Variants in DRC7 observed in about 807,000 individuals in gnomAD.
The protein encoded by DRC7 is dynein regulatory complex subunit 7.
In DRC7, 80 loss-of-function variants were observed where a neutral mutation model predicts 104.4. That is an observed-to-expected ratio of 0.77 (90% CI 0.64 to 0.92). The LOEUF is 0.92. Among genes scored for constraint, DRC7 ranks in the 40% least tolerant of loss-of-function variants. The pLI is 0.00. For missense variants in DRC7, 1,034 were observed against 1,141.1 expected, an observed-to-expected ratio of 0.91 and a Z score of 1.35; for synonymous variants, 405 against 447.3, an observed-to-expected ratio of 0.91 and a Z score of 1.19.
chr16:57,700,668 A>AG (rs1354831206), intron 5 of DRC7, among the ~76,000 whole-genome samples: 1 of 151,592 alleles, frequency 6.6e-6, no homozygotes, highest in East Asian at 1.9e-4. Flanking sequence ...AAAAAAAAAA[A>AG]AAAAAAAAGA....
chr16:57,699,389 G>A lies in DRC7; in HGVS notation c.378+365G>A, dbSNP rs189855044. On this transcript the variant is annotated intron_variant, in intron 4 of 18. Coordinates refer to ENST00000360716, the MANE Select transcript of DRC7 (RefSeq NM_001289162.2). ...TGACATAAATGCTAAACATTGCCAC[G>A]TGGGCCAAATAAAGCGGGTCTGTGG... Among the ~76,000 whole-genome samples the A allele has an allele frequency of 7.8e-4, 119 of 152,266 alleles. 1 individual carries two copies. Among genetic ancestry groups the A allele is most frequent in the Admixed American group, 2.9e-3 (44 of 15,296 alleles).
chr16:57,698,591 G>T lies in DRC7; in HGVS notation c.204-259G>T, dbSNP rs563861156. 2.0e-5 allele frequency among the ~76,000 whole-genome samples: 3 copies of T among 152,302 alleles called. No homozygotes were observed. In the South Asian group the frequency reaches 6.2e-4, roughly 32 times the overall value. On this transcript the variant is annotated intron_variant, in intron 3 of 18. Transcript: ENST00000360716. Reference sequence around the variant, plus strand: ...TATAGTCCCAGCTACTTGGGAGGCTGAGGTGGGAGGGTCACTTAAGCCCAG... The same window carrying T: ...TATAGTCCCAGCTACTTGGGAGGCTTAGGTGGGAGGGTCACTTAAGCCCAG...
intron 7 of DRC7, among the ~76,000 whole-genome samples, chr16:57,705,811 C>A: frequency 1.2e-5 from 1 of 80,150 alleles, no homozygotes. Flanking sequence ...CCCATTTCTC[C>A]TCCCATCCAT....
intron 7 of DRC7, 149 bp downstream of exon 7, chr16:57,705,183 T>C: frequency 1.1e-6 from 1 of 921,218 alleles, no homozygotes; most frequent in Non-Finnish European, 1.6e-6. Context: ...TACCTGGCCC[T>C]GCAGGAATCT....
chr16:57,728,493 G>A lies in DRC7; in HGVS notation c.2300G>A (p.Trp767Ter), dbSNP rs769387655. Reference protein sequence around the residue: ...QLPPGEKLTCWQAVRLKDECL... With the variant: ...QLPPGEKLTC ...CCGCCAGGAGAGAAACTAACATGCTGGCAGGCGGTGCGCCTCAAGGATGAG... is the reference window on the plus strand; with the variant it reads ...CCGCCAGGAGAGAAACTAACATGCTAGCAGGCGGTGCGCCTCAAGGATGAG... Residue 767 changes from tryptophan (W) to a stop codon, truncating the protein, a stop_gained, in exon 17 of 19, where the codon TGG (tryptophan) becomes TAG (stop). Transcript: ENST00000360716. LOFTEE classifies it high-confidence loss of function. 1.1e-5 allele frequency: 18 copies of A among 1,612,154 alleles called. No homozygotes were observed. Among genetic ancestry groups the A allele is most frequent in the Middle Eastern group, 1.7e-4 (1 of 6,056 alleles).
Position 57,722,896 on chromosome 16 carries a change from T to A in DRC7, c.1408+55T>A, listed in dbSNP as rs2048919722. The A allele has an allele frequency of 4.3e-6, 7 of 1,612,156 alleles. No homozygotes were observed. In the Admixed American group the frequency reaches 5.0e-5, roughly 12 times the overall value. On this transcript the variant is annotated intron_variant, in intron 11 of 18. Transcript: ENST00000360716. ...AGGCCAGCCCAGGGGCGGGGGCGGC[T>A]TCTACTCTCTCTGGGGTCATTGCTG...
At chr16:57,722,926 C>G in intron 11 of DRC7, 76 bp from the exon 12 acceptor site, 1 of 1,612,664 alleles carries the variant, frequency 6.2e-7, no homozygotes, top group Non-Finnish European at 8.5e-7. Context: ...TTGCTGGCCT[C>G]TGTGTGCCTG....
In DRC7 at chr16:57,704,746, G is replaced by A. The variant is rs551726901; in HGVS notation, c.700-130G>A. ...TGGAGCTGCATTTAGAGCCAGAAAG[G>A]CCACAGGCTACAGGAGTAGCTGCCA... On this transcript the variant is annotated intron_variant, in intron 6 of 18. Transcript: ENST00000360716. 1.3e-4 allele frequency: 127 copies of A among 998,840 alleles called. 1 individual carries two copies. In the South Asian group the frequency reaches 2.0e-3, roughly 15 times the overall value. 61.9% of individuals were successfully genotyped at this position (998,840 alleles called of 1,614,324 possible).
chr16:57,698,169 G>A lies in DRC7; in HGVS notation c.203+17G>A. 6.2e-7 allele frequency: 1 copy of A among 1,613,634 alleles called. No homozygotes were observed. The highest frequency in any genetic ancestry group is 8.5e-7 in the Non-Finnish European group (1 of 1,179,924). On this transcript the variant is annotated intron_variant, in intron 3 of 18. Coordinates refer to ENST00000360716, the MANE Select transcript of DRC7 (RefSeq NM_001289162.2). ...GGAGCTCCCGTGAGTGTGGCAGGGT[G>A]GGGGCCCTGGCAAGGGTAGACCGGG...
At chr16:57,718,545 A>T in intron 9 of DRC7, 70 bp downstream of exon 9, 1 of 1,576,064 alleles carries the variant, frequency 6.3e-7, no homozygotes, top group Non-Finnish European at 8.7e-7. Context: ...AAGTGTCCCC[A>T]GCAGCATATG....
At chr16:57,724,392 G>T (rs1464342981) in intron 12 of DRC7, among the ~76,000 whole-genome samples, 1 of 150,092 alleles carries the variant, frequency 6.7e-6, no homozygotes, top group African/African-American at 2.5e-5. Context: ...TAATGGACAA[G>T]AACAAAAAAT....
At chr16:57,727,502 C>T (rs1381467507) in intron 16 of DRC7, 93 bp downstream of exon 16, 11 of 878,794 alleles carry the variant, frequency 1.3e-5, no homozygotes, top group Non-Finnish European at 1.7e-5. Context: ...GCTGAGAAAC[C>T]CTCTGTGGGG....
intron 10 of DRC7, 136 bp from the exon 11 acceptor site, chr16:57,722,577 C>G: frequency 8.3e-7 from 1 of 1,203,264 alleles, no homozygotes; most frequent in South Asian, 1.4e-5. Context: ...TTCTCCTCGG[C>G]CTCCCTGGAT....
intron 3 of DRC7, among the ~76,000 whole-genome samples, chr16:57,698,463 G>T (rs1476241878): frequency 6.6e-6 from 1 of 152,086 alleles, no homozygotes; most frequent in African/African-American, 2.4e-5. Context: ...AAGGTGGGAG[G>T]ATCGCTTGAG....
At chr16:57,694,989 T>C (rs2048577851) in intron 1 of DRC7, 137 bp downstream of exon 1, 1 of 152,154 alleles carries the variant, frequency 6.6e-6, no homozygotes, top group African/African-American at 2.4e-5. Context: ...TGTGTGCGTG[T>C]TTATGTGTGT....
Position 57,707,464 on chromosome 16 carries a change from C to T in DRC7, c.863C>T (p.Ala288Val), listed in dbSNP as rs527250357. 65 of 1,610,510 alleles carry T rather than the reference C, an allele frequency of 4.0e-5. No homozygotes were observed. The highest frequency in any genetic ancestry group is 1.9e-4 in the South Asian group (17 of 90,804). Residue 288 changes from alanine (A) to valine (V), a missense_variant, in exon 8 of 19, where the codon GCG (alanine) becomes GTG (valine). Physicochemically the swap from Ala to Val is moderately conservative, Grantham distance 64. Coordinates refer to ENST00000360716, the MANE Select transcript of DRC7 (RefSeq NM_001289162.2). Reference sequence around the variant, plus strand: ...TCACCCACCTTTCCTTGGCAGGAAGCGGAGAAGGCAAAGCCGGATGCCCTG... The same window carrying T: ...TCACCCACCTTTCCTTGGCAGGAAGTGGAGAAGGCAAAGCCGGATGCCCTG... ...LREEEERLMEAEKAKPDALHG... is the reference protein window; with the variant it reads ...LREEEERLMEVEKAKPDALHG...
chr16:57,703,101 A>G (rs1454500131), intron 6 of DRC7, among the ~76,000 whole-genome samples: 5 of 149,556 alleles, frequency 3.3e-5, no homozygotes, highest in Non-Finnish European at 5.9e-5. Flanking sequence ...CTGGTCGTGA[A>G]CTCCTGGACT....
rs2048694367 is a variant in DRC7 at position 57,704,812 on chromosome 16, T to G, written c.700-64T>G. 2.3e-5 allele frequency: 36 copies of G among 1,576,970 alleles called. No homozygotes were observed. The South Asian group carries it at 4.1e-4, about 18-fold the overall frequency. On this transcript the variant is annotated intron_variant, in intron 6 of 18. Transcript: ENST00000360716. ...GACTGGCTGGGCGGGTCTCACCTCT[T>G]GGAGTTGCACATGTAAAGGGGGGAT...
intron 15 of DRC7, 173 bp downstream of exon 15, chr16:57,727,115 C>A: frequency 1.5e-6 from 1 of 649,048 alleles, no homozygotes; most frequent in Non-Finnish European, 2.7e-6. Context: ...CGCACACCAC[C>A]ATGCCTGGCT....
Sources: allele counts gnomAD v4.1 joint callset (sites outside exome capture counted in the v4.1 genomes callset), GRCh38; gene constraint gnomAD v4.1.1; transcripts MANE v1.5; gene names NCBI Gene and HGNC (gene_info 2026-07-23, HGNC 2026-07-21).